TXNL4A: variants seen among roughly 807,000 people sequenced by gnomAD.
The protein encoded by TXNL4A is thioredoxin-like protein 4A.
In TXNL4A, 17 loss-of-function variants were observed where a neutral mutation model predicts 14.6. The observed-to-expected ratio is 1.16, with a 90% CI of 0.80 to 1.74. The LOEUF (loss-of-function observed/expected upper bound fraction) is 1.74. Among genes scored for constraint, TXNL4A ranks in the 40% most tolerant of loss-of-function variants. The pLI is 0.00. For synonymous variants in TXNL4A, 83 were observed against 70.6 expected (o/e 1.18, Z -0.88); for missense variants, 74 against 195.2 (o/e 0.38, Z 3.70).
At chr18:79,994,225 G>A (rs911466676) in intron 1 of TXNL4A, among the ~76,000 whole-genome samples, 1 of 152,100 alleles carries the variant, frequency 6.6e-6, no homozygotes, top group Non-Finnish European at 1.5e-5. Context: ...GGCCTAAATG[G>A]GGATCTTTTG....
chr18:79,977,330 C>T (rs1054567916), intron 2 of TXNL4A: 10 of 505,202 alleles, frequency 2.0e-5, no homozygotes, highest in Admixed American at 7.8e-5. Context: ...TCAGTAACAA[C>T]ATCTTTCATT....
At chr18:80,027,203 C>T (rs1004713846) in intron 1 of TXNL4A, among the ~76,000 whole-genome samples, 1 of 151,836 alleles carries the variant, frequency 6.6e-6, no homozygotes, top group Non-Finnish European at 1.5e-5. Flanking sequence ...GTTTTGTCTC[C>T]GATATTGTAG....
At chr18:79,977,461 C>T (rs1026769241) in intron 2 of TXNL4A, 137 bp downstream of exon 2, 13 of 683,818 alleles carry the variant, frequency 1.9e-5, no homozygotes, top group Non-Finnish European at 3.4e-5. Context: ...CACTGATTGC[C>T]TGGTGATACA....
At position 80,008,845 on chromosome 18, in the gene TXNL4A, G is replaced by A. The variant is rs549167120; in HGVS notation, c.-61+25006C>T. Among the ~76,000 whole-genome samples, 13 of 152,254 alleles carry A rather than the reference G, an allele frequency of 8.5e-5. No individual in the cohort carries two copies. The South Asian group carries it at 1.7e-3, about 19-fold the overall frequency. The stretch of plus-strand genomic sequence containing the variant: ...CAGGCTGGAGTGCAGTGGCACGATC[G>A]TGGCTCACTGCAACCTCCGCCTCCT... On this transcript the variant is annotated intron_variant, in intron 1 of 2. Transcript: ENST00000585474.
rs553091833 is a variant in TXNL4A, at chr18:80,009,566, G to A, written c.-61+24285C>T. On this transcript the variant is annotated intron_variant, in intron 1 of 2. Transcript: ENST00000585474. ...CCTCCTTGGAGGAAAGAATTTGGCTGAGAGGAAGAAATAGTTTTAAGGCAG... is the reference window on the plus strand; with the variant it reads ...CCTCCTTGGAGGAAAGAATTTGGCTAAGAGGAAGAAATAGTTTTAAGGCAG... 2.6e-5 allele frequency among the ~76,000 whole-genome samples: 4 copies of A among 152,286 alleles called. No individual in the cohort carries two copies. In the South Asian group the frequency reaches 8.3e-4, roughly 32 times the overall value.
chr18:79,987,650 CCACT>C (rs2051573093), intron 1 of TXNL4A, among the ~76,000 whole-genome samples: 1 of 152,170 alleles, frequency 6.6e-6, no homozygotes, highest in Non-Finnish European at 1.5e-5. Context: ...AATGCCAAGA[CCACT>C]CAGTGTACTA....
chr18:79,982,339 G>C lies in TXNL4A; in HGVS notation c.154-4638C>G, dbSNP rs2051476907. On this transcript the variant is annotated intron_variant, in intron 1 of 2. Transcript: ENST00000269601. The surrounding 1 kb of genome is among the most constrained non-coding windows in gnomAD (Gnocchi z 4.0). ...AGCAGGAATTGAAGAGTTCAGTTTT[G>C]TATATACTGAGTTTGAGAAAACTAA... 6.6e-6 allele frequency among the ~76,000 whole-genome samples: 1 copy of C among 152,182 alleles called. No individual in the cohort carries two copies. The highest frequency in any genetic ancestry group is 1.5e-5 in the Non-Finnish European group (1 of 68,038).
intron 2 of TXNL4A, among the ~76,000 whole-genome samples, chr18:79,976,434 G>T (rs570289354): frequency 6.6e-6 from 1 of 152,134 alleles, no homozygotes; most frequent in Non-Finnish European, 1.5e-5. Context: ...AGTGGCCTCA[G>T]GTAACAGCAG....
chr18:79,997,894 G>T (rs1483263733), intron 1 of TXNL4A, among the ~76,000 whole-genome samples: 8 of 152,176 alleles, frequency 5.3e-5, no homozygotes, highest in Admixed American at 5.2e-4. Context: ...TCAGTCAAAG[G>T]ACTGAGTATT....
chr18:79,988,549 C>A lies in TXNL4A; in HGVS notation c.-157G>T. On this transcript the variant is annotated 5_prime_UTR_variant, in exon 1 of 3. Transcript: ENST00000269601. ...CACGCAAACTCCGCTGGGACTGCCACCCGGCAGAACGTCTGGGCGCGCACG... is the reference window on the plus strand; with the variant it reads ...CACGCAAACTCCGCTGGGACTGCCAACCGGCAGAACGTCTGGGCGCGCACG... The A allele has an allele frequency of 1.3e-6, 1 of 755,376 alleles. No homozygotes were observed. Among genetic ancestry groups the A allele is most frequent in the East Asian group, 3.7e-5 (1 of 27,292 alleles). 46.8% of individuals were successfully genotyped at this position (755,376 alleles called of 1,614,324 possible). A position where few individuals can be genotyped will look rare whatever the true frequency, so the allele number is the denominator to read the frequency against.
chr18:80,028,515 CT>C (rs1204457883), intron 1 of TXNL4A, among the ~76,000 whole-genome samples: 16 of 152,290 alleles, frequency 1.1e-4, no homozygotes, highest in South Asian at 2.1e-4. Context: ...GACTTCTCAC[CT>C]CCAGGACAGA....
intron 1 of TXNL4A, among the ~76,000 whole-genome samples, chr18:79,995,762 T>C (rs2051656273): frequency 1.3e-5 from 2 of 152,146 alleles, no homozygotes; most frequent in Non-Finnish European, 2.9e-5. Flanking sequence ...GATTTTAAGC[T>C]CATAGGTCTG....
intron 1 of TXNL4A, among the ~76,000 whole-genome samples, chr18:80,020,854 G>A (rs2051844075): frequency 6.7e-6 from 1 of 149,972 alleles, no homozygotes; most frequent in Admixed American, 6.6e-5. Flanking sequence ...TGGGGAAATA[G>A]TCTTAATTAT....
At chr18:79,988,641 T>C (rs1018271066), upstream of TXNL4A, 3 of 332,272 alleles carry the variant, frequency 9.0e-6, no homozygotes, top group Non-Finnish European at 1.6e-5. Flanking sequence ...GGCATGTGCG[T>C]ATAGGCGCCG....
rs185127526 is a variant in TXNL4A at position 79,984,224 on chromosome 18, C to A, written c.153+4016G>T. 2.6e-3 allele frequency among the ~76,000 whole-genome samples: 394 copies of A among 152,304 alleles called. 2 individuals are homozygous for A. Among genetic ancestry groups the A allele is most frequent in the African/African-American group, 9.1e-3 (379 of 41,554 alleles). ...GCGTTCTGTGATCCTTAATGTGATACTTAAGATACACCCCTTAATATGGCT... is the reference window on the plus strand; with the variant it reads ...GCGTTCTGTGATCCTTAATGTGATAATTAAGATACACCCCTTAATATGGCT... On this transcript the variant is annotated intron_variant, in intron 1 of 2. Coordinates refer to ENST00000269601, the MANE Select transcript of TXNL4A (RefSeq NM_006701.5).
At chr18:80,017,310 A>G (rs1048264384) in intron 1 of TXNL4A, among the ~76,000 whole-genome samples, 3 of 152,350 alleles carry the variant, frequency 2.0e-5, no homozygotes, top group African/African-American at 7.2e-5. Flanking sequence ...ATCTGCAAAC[A>G]GGGACAATTT....
At position 79,971,228 on chromosome 18, in the gene TXNL4A, G is replaced by A. The variant is rs189095816; in HGVS notation, c.*2457C>T. 3 of 152,396 alleles carry A rather than the reference G, an allele frequency of 2.0e-5. No individual in the cohort carries two copies. Among genetic ancestry groups the A allele is most frequent in the Admixed American group, 2.0e-4 (3 of 15,302 alleles). The allele number at this position is 152,396 out of a possible 1,614,324, so 9.4% of individuals were successfully genotyped here. A position where few individuals can be genotyped will look rare whatever the true frequency, so the allele number is the denominator to read the frequency against. ...CGTTCATCTGTTGATGGACACGTGG[G>A]TTTCCACATTTTGGCTTCTGTGTAC... is the stretch of plus-strand genomic sequence containing the variant. On this transcript the variant is annotated 3_prime_UTR_variant, in exon 3 of 3. Coordinates refer to ENST00000269601, the MANE Select transcript of TXNL4A (RefSeq NM_006701.5).
intron 2 of TXNL4A, among the ~76,000 whole-genome samples, chr18:79,975,468 G>A (rs921837722): frequency 6.6e-5 from 10 of 152,246 alleles, no homozygotes; most frequent in Non-Finnish European, 1.5e-4. Flanking sequence ...ACCCAAGGCT[G>A]TTGCCTGCAG....
chr18:79,991,173 A>G (rs922097521), upstream of TXNL4A, among the ~76,000 whole-genome samples: 1 of 152,132 alleles, frequency 6.6e-6, no homozygotes, highest in African/African-American at 2.4e-5. Context: ...TCACCAATTG[A>G]AGGTGAGATG....
Sources: allele counts gnomAD v4.1 joint callset (sites outside exome capture counted in the v4.1 genomes callset), GRCh38; gene constraint gnomAD v4.1.1; non-coding constraint Gnocchi (gnomAD v3.1); transcripts MANE v1.5; gene names NCBI Gene and HGNC (gene_info 2026-07-23, HGNC 2026-07-21).